The following ATG14 variants were observed in gnomAD, a reference collection of about 807,000 sequenced individuals.
ATG14 encodes the protein autophagy related 14, also known as beclin 1-associated autophagy-related key regulator.
In ATG14, 35 loss-of-function variants were observed where a neutral mutation model predicts 60.4. The ratio of observed to expected loss-of-function variants is 0.58; its 90% CI spans 0.44 to 0.77. The LOEUF (loss-of-function observed/expected upper bound fraction) is 0.77, where lower values mean the gene tolerates loss of function less well. Ranked by LOEUF, ATG14 falls within the 30% of genes least tolerant of loss-of-function variation. The pLI is 0.00. For missense variants in ATG14, 647 were observed against 626.3 expected (o/e 1.03, Z -0.35); for synonymous variants, 234 against 228.8 (o/e 1.02, Z -0.21).
chr14:55,376,287 G>C, intron 9 of ATG14, among the ~76,000 whole-genome samples: 1 of 152,206 alleles, frequency 6.6e-6, no homozygotes, highest in East Asian at 1.9e-4. Context: ...ATAAATATTA[G>C]CTCTTATTAG....
At chr14:55,403,279 C>T (rs1378903480) in intron 1 of ATG14, among the ~76,000 whole-genome samples, 1 of 151,932 alleles carries the variant, frequency 6.6e-6, no homozygotes, top group Non-Finnish European at 1.5e-5. Flanking sequence ...TTCACTGCAA[C>T]GAATGATTCT....
intron 1 of ATG14, 123 bp downstream of exon 1, chr14:55,411,479 C>G: frequency 1.0e-6 from 1 of 960,192 alleles, no homozygotes; most frequent in South Asian, 1.6e-5. Context: ...GCTACACTCC[C>G]TCTCTCTCGC....
chr14:55,401,200 T>G (rs1885392583), intron 1 of ATG14, among the ~76,000 whole-genome samples: 2 of 152,060 alleles, frequency 1.3e-5, no homozygotes, highest in Non-Finnish European at 2.9e-5. Context: ...GAACAACTTT[T>G]CATATTTTAC....
At chr14:55,405,642 C>T (rs974619773) in intron 1 of ATG14, among the ~76,000 whole-genome samples, 2 of 152,222 alleles carry the variant, frequency 1.3e-5, no homozygotes, top group Non-Finnish European at 2.9e-5. Context: ...AAGATTACTT[C>T]AACCTATCAG....
chr14:55,393,912 T>C, intron 3 of ATG14, among the ~76,000 whole-genome samples: 1 of 152,086 alleles, frequency 6.6e-6, no homozygotes, highest in East Asian at 1.9e-4. Context: ...TTATCCTAGT[T>C]TATTATTTTT....
At chr14:55,394,123 C>T (rs1399673709) in intron 3 of ATG14, among the ~76,000 whole-genome samples, 1 of 151,710 alleles carries the variant, frequency 6.6e-6, no homozygotes, top group Non-Finnish European at 1.5e-5. Flanking sequence ...TCTCCTGCCA[C>T]AGCCTCCTGA....
At chr14:55,400,674 G>A (rs535112777) in intron 1 of ATG14, among the ~76,000 whole-genome samples, 43 of 152,192 alleles carry the variant, frequency 2.8e-4, no homozygotes, top group South Asian at 6.2e-4. Context: ...AGGCCAAGGC[G>A]GGTGGATCAC....
chr14:55,373,093 C>A (rs1225379895), intron 9 of ATG14, among the ~76,000 whole-genome samples: 1 of 152,208 alleles, frequency 6.6e-6, no homozygotes, highest in Non-Finnish European at 1.5e-5. Flanking sequence ...AGACCCCAAG[C>A]TAGAGACACA....
rs1188496292 is a variant in ATG14, at chr14:55,367,345, AC to A, written c.*2273del. On this transcript the variant is annotated 3_prime_UTR_variant, in exon 10 of 10. Coordinates refer to ENST00000247178, the MANE Select transcript of ATG14 (RefSeq NM_014924.5). ...TAAGTTTATTTATCTGTTCAAGTCTACCATCTTCACTCTCTACGAACTCCAG... is the reference window on the plus strand; with the variant it reads ...TAAGTTTATTTATCTGTTCAAGTCTACATCTTCACTCTCTACGAACTCCAG... 6.6e-6 allele frequency: 1 copy of A among 152,228 alleles called. No individual in the cohort carries two copies. Among genetic ancestry groups the A allele is most frequent in the African/African-American group, 2.4e-5 (1 of 41,454 alleles). The allele number at this position is 152,228 out of a possible 1,614,324, so 9.4% of individuals were successfully genotyped here.
chr14:55,380,875 A>ATATATATATTTTTTTTTT (rs377330757), intron 6 of ATG14, among the ~76,000 whole-genome samples, 185 bp from the exon 7 acceptor site: 14 of 112,722 alleles, frequency 1.2e-4, no homozygotes, highest in Non-Finnish European at 2.3e-4. Flanking sequence ...ATATATATAT[A>ATATATATATTTTTTTTTT]TTTTTTTTTT....
At chr14:55,404,945 T>C (rs887257493) in intron 1 of ATG14, among the ~76,000 whole-genome samples, 2 of 152,216 alleles carry the variant, frequency 1.3e-5, no homozygotes, top group South Asian at 2.1e-4. Flanking sequence ...AGAAATGAGA[T>C]AGTAAATGCA....
chr14:55,391,357 T>C (rs1261428931), intron 3 of ATG14: 2 of 163,204 alleles, frequency 1.2e-5, no homozygotes, highest in African/African-American at 4.9e-5. Context: ...ATGCCTGTAA[T>C]CCCAGCTACT....
intron 4 of ATG14, 46 bp from the exon 5 acceptor site, chr14:55,386,142 C>A (rs775904632): frequency 4.3e-5 from 65 of 1,506,762 alleles, no homozygotes; most frequent in Non-Finnish European, 5.6e-5. Context: ...GCAAACAGTT[C>A]CTGTGTACTG....
At chr14:55,386,367 G>C (rs1281264633) in intron 4 of ATG14, among the ~76,000 whole-genome samples, 2 of 152,202 alleles carry the variant, frequency 1.3e-5, no homozygotes. Context: ...TCGAGTTTAA[G>C]TTTAGCACAG....
rs78913154 is a variant in ATG14 at position 55,386,085 on chromosome 14, G to T, written c.421C>A (p.Leu141Ile). 3.7e-6 allele frequency: 6 copies of T among 1,608,552 alleles called. No individual in the cohort carries two copies. In the East Asian group the frequency reaches 1.3e-4, roughly 36 times the overall value. ...TGATTCTTTTCCTTGGTTTTGAGAAGGCCTTCAGAATCTAAAATAAATAAA... is the reference window on the plus strand; with the variant it reads ...TGATTCTTTTCCTTGGTTTTGAGAATGCCTTCAGAATCTAAAATAAATAAA... ...NEEMEKNSEGLLKTKEKNQKL... is the reference protein window; with the variant it reads ...NEEMEKNSEGILKTKEKNQKL... The change falls in exon 5 of 10, where the codon CTT becomes ATT. Residue 141 changes from leucine (L) to isoleucine (I), a missense_variant. Physicochemically the swap from Leu to Ile is conservative, Grantham distance 5. Coordinates refer to ENST00000247178, the MANE Select transcript of ATG14 (RefSeq NM_014924.5).
At chr14:55,406,555 G>A (rs10141830) in intron 1 of ATG14, among the ~76,000 whole-genome samples, 6,061 of 152,290 alleles carry the variant, frequency 0.04, 281 homozygotes, top group East Asian at 0.22. Flanking sequence ...TGAGAGCAGA[G>A]ACCTGTCTTT....
At chr14:55,390,868 T>A (rs368724168) in intron 4 of ATG14, 43 bp downstream of exon 4, 8 of 1,361,356 alleles carry the variant, frequency 5.9e-6, no homozygotes, top group Middle Eastern at 1.8e-4. Context: ...AAATTCCACA[T>A]AGGCACTTTC....
Position 55,380,853 on chromosome 14 carries a change from G to GTATA in ATG14, c.878-164_878-163insTATA, listed in dbSNP as rs1194666951. ...CAGACATAAATGGTCCATTCTTTGTGTGTATATATATATATATATATATTT... is the reference window on the plus strand; with the variant it reads ...CAGACATAAATGGTCCATTCTTTGTGTATATGTATATATATATATATATATATTT... On this transcript the variant is annotated intron_variant, in intron 6 of 9. Transcript: ENST00000247178. 2.8e-3 allele frequency among the ~76,000 whole-genome samples: 305 copies of GTATA among 107,968 alleles called. 5 individuals are homozygous for GTATA. Among genetic ancestry groups the GTATA allele is most frequent in the African/African-American group, 0.012 (251 of 21,530 alleles). The allele number at this position is 107,968 out of a possible 152,430, so 70.8% of individuals were successfully genotyped here.
chr14:55,377,680 C>G (rs1269984433), intron 9 of ATG14, 139 bp downstream of exon 9: 3 of 482,748 alleles, frequency 6.2e-6, no homozygotes, highest in Non-Finnish European at 1.1e-5. Context: ...ACCTTTGTTT[C>G]TTTCTGTATT....
Sources: gnomAD v4.1 joint callset for allele counts (sites outside exome capture counted in the v4.1 genomes callset) on GRCh38, gnomAD v4.1.1 for gene constraint, MANE v1.5 for transcripts, NCBI Gene and HGNC (gene_info 2026-07-23, HGNC 2026-07-21) for gene names.